The following ASIC2 variants were observed in gnomAD, a reference collection of about 807,000 sequenced individuals.
ASIC2 encodes acid sensing ion channel subunit 2.
ASIC2 carries 25 observed loss-of-function variants against 57.3 expected under a neutral mutation model. The ratio of observed to expected loss-of-function variants is 0.44; its 90% CI spans 0.32 to 0.61. The LOEUF is 0.61. Among genes scored for constraint, ASIC2 ranks in the 20% least tolerant of loss-of-function variants. The pLI, the probability that ASIC2 is intolerant of heterozygous loss-of-function variation, is 0.06. For missense variants in ASIC2, 641 were observed against 738.1 expected (o/e 0.87, Z 1.52); for synonymous variants, 319 against 307.5 (o/e 1.04, Z -0.39).
chr17:33,650,998 C>T (rs528231778), intron 1 of ASIC2, among the ~76,000 whole-genome samples: 1 of 152,170 alleles, frequency 6.6e-6, no homozygotes, highest in African/African-American at 2.4e-5. Context: ...AAAAGGCATA[C>T]AGGATCTCTC....
intron 1 of ASIC2, chr17:34,002,279 G>T (rs1026130540): frequency 1.3e-5 from 2 of 152,222 alleles, no homozygotes; most frequent in Non-Finnish European, 2.9e-5. Context: ...GAAAAAAGAA[G>T]AAATTCCTGT....
chr17:34,131,914 T>C (rs1047264211), intron 1 of ASIC2, among the ~76,000 whole-genome samples: 3 of 152,174 alleles, frequency 2.0e-5, no homozygotes, highest in African/African-American at 7.2e-5. Context: ...CATTCTTCTC[T>C]GAGGGACATT....
intron 1 of ASIC2, among the ~76,000 whole-genome samples, chr17:33,768,513 A>AT (rs1911001338): frequency 6.6e-6 from 1 of 152,100 alleles, no homozygotes; most frequent in Non-Finnish European, 1.5e-5. Flanking sequence ...AGAGGCTGGC[A>AT]TTTTCTATCC....
chr17:34,083,676 A>T (rs1165792482), intron 1 of ASIC2, among the ~76,000 whole-genome samples: 1 of 152,168 alleles, frequency 6.6e-6, no homozygotes, highest in Non-Finnish European at 1.5e-5. Flanking sequence ...CATCCTCTCC[A>T]GCACCTGTTG....
At chr17:33,930,262 G>T (rs1322289803) in intron 1 of ASIC2, among the ~76,000 whole-genome samples, 4 of 152,198 alleles carry the variant, frequency 2.6e-5, no homozygotes, top group Non-Finnish European at 4.4e-5. Context: ...GAAAGAAATT[G>T]TCTGACCTGG....
Position 33,900,749 on chromosome 17 carries a change from G to A in ASIC2, c.555+255229C>T, listed in dbSNP as rs1915215589. 2.6e-5 allele frequency among the ~76,000 whole-genome samples: 4 copies of A among 152,326 alleles called. No individual in the cohort carries two copies. In the South Asian group the frequency reaches 8.3e-4, roughly 32 times the overall value. ...TAAGATGTTGAAGAAGTTGGAGGTG[G>A]GAGGGTATCTAGGGAAGAGGGTGGG... is the stretch of plus-strand genomic sequence containing the variant. On this transcript the variant is annotated intron_variant, in intron 1 of 9. Transcript: ENST00000359872.
rs1909234672 is a variant in ASIC2, at chr17:33,260,379, T to A, written c.708+31029A>T. Among the ~76,000 whole-genome samples, 3 of 152,134 alleles carry A rather than the reference T, an allele frequency of 2.0e-5. No homozygotes were observed. The South Asian group carries it at 6.2e-4, about 32-fold the overall frequency. On this transcript the variant is annotated intron_variant, in intron 1 of 9. Transcript: ENST00000225823. ...CTCACAGCAGAATCTGCGGGCACAT[T>A]AACTCTGCAGGGGCCAGTTGGAGCA...
At chr17:33,642,503 G>A (rs1906607819) in intron 1 of ASIC2, among the ~76,000 whole-genome samples, 1 of 152,148 alleles carries the variant, frequency 6.6e-6, no homozygotes, top group African/African-American at 2.4e-5. Context: ...CCCTTGTAAG[G>A]GTTGCAAAAA....
At chr17:33,591,170 A>G (rs894720699) in intron 1 of ASIC2, among the ~76,000 whole-genome samples, 1 of 152,214 alleles carries the variant, frequency 6.6e-6, no homozygotes, top group African/African-American at 2.4e-5. Flanking sequence ...TCATTTGGGA[A>G]AGCTGTCTTT....
At chr17:33,281,065 C>G (rs1904924771) in intron 1 of ASIC2, among the ~76,000 whole-genome samples, 1 of 152,168 alleles carries the variant, frequency 6.6e-6, no homozygotes, top group Non-Finnish European at 1.5e-5. Flanking sequence ...TGCTGTGATA[C>G]AAAAGTGTCA....
chr17:33,608,159 C>G, intron 1 of ASIC2, among the ~76,000 whole-genome samples: 1 of 152,128 alleles, frequency 6.6e-6, no homozygotes, highest in East Asian at 1.9e-4. Flanking sequence ...GCAGAACACC[C>G]CATGAGAATG....
At chr17:33,603,296 C>T (rs1212486507) in intron 1 of ASIC2, among the ~76,000 whole-genome samples, 1 of 152,166 alleles carries the variant, frequency 6.6e-6, no homozygotes, top group East Asian at 1.9e-4. Flanking sequence ...ACTAAGGAGG[C>T]ATCTGGGGAG....
At chr17:33,764,524 G>T (rs561518010) in intron 1 of ASIC2, among the ~76,000 whole-genome samples, 21 of 146,308 alleles carry the variant, frequency 1.4e-4, no homozygotes, top group African/African-American at 4.8e-4. Flanking sequence ...ACATCTGGTG[G>T]GAACTTTCTT....
chr17:33,222,195 G>T (rs1478673383), intron 1 of ASIC2, among the ~76,000 whole-genome samples: 1 of 152,196 alleles, frequency 6.6e-6, no homozygotes, highest in African/African-American at 2.4e-5. Flanking sequence ...CAACAAAACT[G>T]ATGAATAGTT....
chr17:33,898,292 G>C (rs1915153329), intron 1 of ASIC2, among the ~76,000 whole-genome samples: 1 of 133,568 alleles, frequency 7.5e-6, no homozygotes, highest in Admixed American at 8.7e-5. Context: ...CTGGAGTGCA[G>C]TGGCGGGATC....
chr17:33,708,694 G>A (rs746765009), intron 1 of ASIC2, among the ~76,000 whole-genome samples: 5 of 151,990 alleles, frequency 3.3e-5, no homozygotes, highest in African/African-American at 4.8e-5. Context: ...CAGCCCCAGC[G>A]TACCCCACTC....
chr17:33,150,779 G>C (rs1476135639), intron 1 of ASIC2, among the ~76,000 whole-genome samples: 1 of 78,730 alleles, frequency 1.3e-5, no homozygotes, highest in Non-Finnish European at 2.6e-5. Context: ...GAACCCGGGA[G>C]GCGGAGCTTG....
At chr17:34,008,630 C>CA (rs1906609499) in intron 1 of ASIC2, among the ~76,000 whole-genome samples, 1 of 152,112 alleles carries the variant, frequency 6.6e-6, no homozygotes, top group Non-Finnish European at 1.5e-5. Context: ...CCTGAGGAGT[C>CA]ATACATATCT....
At chr17:33,437,553 G>C (rs1911670375) in intron 1 of ASIC2, among the ~76,000 whole-genome samples, 1 of 152,112 alleles carries the variant, frequency 6.6e-6, no homozygotes, top group African/African-American at 2.4e-5. Flanking sequence ...GGTAATCCCA[G>C]CACTCTGGGA....
Sources: gnomAD v4.1 joint callset for allele counts (sites outside exome capture counted in the v4.1 genomes callset) on GRCh38, gnomAD v4.1.1 for gene constraint, MANE v1.5 for transcripts, NCBI Gene and HGNC (gene_info 2026-07-23, HGNC 2026-07-21) for gene names.